CLASP1: variants seen among roughly 807,000 people sequenced by gnomAD.
CLASP1 encodes the protein CLIP-associating protein 1.
A neutral mutation model predicts 192.3 loss-of-function variants in CLASP1; 38 were observed. The observed-to-expected ratio is 0.20, with a 90% CI of 0.15 to 0.26. The LOEUF (loss-of-function observed/expected upper bound fraction) is 0.26. CLASP1 is among the 10% of genes least tolerant of loss of function. The probability of loss-of-function intolerance (pLI) is 1.00; values close to 1 mark genes in which losing one functional copy is unlikely to be tolerated. For missense variants in CLASP1, 1,433 were observed against 1,932.5 expected (o/e 0.74, Z 4.85); for synonymous variants, 691 against 712.8 (o/e 0.97, Z 0.49).
intron 19 of CLASP1, among the ~76,000 whole-genome samples, chr2:121,432,027 G>T (rs1267227734): frequency 2.0e-5 from 3 of 151,116 alleles, no homozygotes; most frequent in Admixed American, 6.6e-5. Flanking sequence ...TGTGTGTCTG[G>T]GTTTCTCAGC....
At chr2:121,371,054 C>A (rs1009333782) in intron 34 of CLASP1, among the ~76,000 whole-genome samples, 2 of 152,042 alleles carry the variant, frequency 1.3e-5, no homozygotes, top group African/African-American at 4.8e-5. Context: ...AAAAGCAATA[C>A]TCCACACACT....
intron 2 of CLASP1, among the ~76,000 whole-genome samples, chr2:121,587,460 T>A (rs924698893): frequency 6.6e-6 from 1 of 152,146 alleles, no homozygotes; most frequent in Non-Finnish European, 1.5e-5. Context: ...CTTCTCATTT[T>A]AAAACCCCTC....
chr2:121,426,852 C>T (rs971060934), intron 21 of CLASP1, among the ~76,000 whole-genome samples: 1 of 152,102 alleles, frequency 6.6e-6, no homozygotes, highest in Non-Finnish European at 1.5e-5. Flanking sequence ...CACCAATACA[C>T]TCAAATGGCA....
chr2:121,430,093 T>C, exon 20 of CLASP1: 1 of 1,569,338 alleles, frequency 6.4e-7, no homozygotes, highest in Non-Finnish European at 8.6e-7. Context: ...TGAAACCACT[T>C]TAGCGCGACT....
chr2:121,469,693 T>C, intron 9 of CLASP1, 115 bp downstream of exon 9: 1 of 965,566 alleles, frequency 1.0e-6, no homozygotes, highest in South Asian at 2.6e-5. Flanking sequence ...GGCAGAAACC[T>C]GCTGCATATG....
At chr2:121,475,432 T>A (rs2091473563) in intron 8 of CLASP1, among the ~76,000 whole-genome samples, 1 of 152,228 alleles carries the variant, frequency 6.6e-6, no homozygotes, top group Admixed American at 6.5e-5. Context: ...GAAATTCCAC[T>A]ATGTGGAATG....
intron 28 of CLASP1, among the ~76,000 whole-genome samples, chr2:121,400,253 G>C (rs949236014): frequency 6.6e-6 from 1 of 152,046 alleles, no homozygotes; most frequent in East Asian, 1.9e-4. Context: ...ACCGACAGAT[G>C]CAAGTACATT....
intron 8 of CLASP1, among the ~76,000 whole-genome samples, chr2:121,479,598 A>G (rs2092418816): frequency 6.6e-6 from 1 of 152,188 alleles, no homozygotes; most frequent in African/African-American, 2.4e-5. Context: ...GGATAAATAG[A>G]AAAGTGTAAA....
intron 8 of CLASP1, among the ~76,000 whole-genome samples, chr2:121,492,599 CAT>C (rs1026829725): frequency 6.7e-6 from 1 of 149,498 alleles, no homozygotes; most frequent in Non-Finnish European, 1.5e-5. Context: ...ACATATTAGT[CAT>C]TAGGGAAATG....
intron 2 of CLASP1, 91 bp from the exon 3 acceptor site, chr2:121,530,416 G>T (rs1376361867): frequency 5.2e-6 from 5 of 966,370 alleles, no homozygotes; most frequent in African/African-American, 3.2e-5. Context: ...GACATTTCCG[G>T]CCCAGACGCA....
At chr2:121,544,205 T>C (rs1431460250) in intron 2 of CLASP1, among the ~76,000 whole-genome samples, 3 of 152,156 alleles carry the variant, frequency 2.0e-5, no homozygotes, top group African/African-American at 7.2e-5. Flanking sequence ...CAGAAGCCGT[T>C]CCAAGAGTGT....
intron 1 of CLASP1, among the ~76,000 whole-genome samples, chr2:121,612,553 G>A (rs1307405458): frequency 1.3e-5 from 2 of 151,930 alleles, no homozygotes; most frequent in African/African-American, 2.4e-5. Flanking sequence ...AAGAGATGAA[G>A]TTAGAGAAGT....
intron 34 of CLASP1, among the ~76,000 whole-genome samples, chr2:121,368,242 G>A (rs749140853): frequency 1.3e-4 from 19 of 151,996 alleles, no homozygotes; most frequent in East Asian, 3.9e-4. Context: ...TCCTCCAACC[G>A]CCATCATTAA....
intron 2 of CLASP1, among the ~76,000 whole-genome samples, chr2:121,565,542 A>G (rs1461608574): frequency 6.6e-6 from 1 of 152,158 alleles, no homozygotes; most frequent in Non-Finnish European, 1.5e-5. Context: ...TCCACAGCCA[A>G]CCAAAGCTCT....
chr2:121,353,951 A>C (rs1229794674), intron 37 of CLASP1, among the ~76,000 whole-genome samples: 1 of 152,054 alleles, frequency 6.6e-6, no homozygotes, highest in African/African-American at 2.4e-5. Context: ...TAATATTTTA[A>C]GTTTTTTGTA....
chr2:121,558,489 A>G (rs2058777602), intron 2 of CLASP1, among the ~76,000 whole-genome samples: 1 of 152,216 alleles, frequency 6.6e-6, no homozygotes. Context: ...GTCTTCACGA[A>G]TGGATGAATG....
intron 39 of CLASP1, among the ~76,000 whole-genome samples, chr2:121,341,731 AGAT>A (rs1218267429): frequency 1.3e-5 from 2 of 152,258 alleles, no homozygotes; most frequent in Admixed American, 6.5e-5. Context: ...AGAACCAGAC[AGAT>A]GATAAGCAAG....
At chr2:121,409,077 GA>G (rs1449952259) in intron 24 of CLASP1, 5 of 1,543,084 alleles carry the variant, frequency 3.2e-6, no homozygotes, top group South Asian at 1.2e-5. Flanking sequence ...GAAGGATGGG[GA>G]AAAAGCATAG....
intron 1 of CLASP1, among the ~76,000 whole-genome samples, chr2:121,624,469 C>G (rs35068421): frequency 0.24 from 35,978 of 151,812 alleles, 6,429 homozygotes; most frequent in African/African-American, 0.5. Context: ...GAGTACAGTG[C>G]ACATTTGCGT....
Sources: gnomAD v4.1 joint callset for allele counts (sites outside exome capture counted in the v4.1 genomes callset) on GRCh38, gnomAD v4.1.1 for gene constraint, MANE v1.5 for transcripts, NCBI Gene and HGNC (gene_info 2026-07-23, HGNC 2026-07-21) for gene names.